MALRD1: variants seen among roughly 807,000 people sequenced by gnomAD.
MALRD1 encodes the protein MAM and LDL-receptor class A domain-containing protein 1.
A neutral mutation model predicts 242.1 loss-of-function variants in MALRD1; 247 were observed. The observed-to-expected ratio is 1.02, with a 90% CI of 0.92 to 1.13. The LOEUF (loss-of-function observed/expected upper bound fraction) is 1.13, where lower values mean the gene tolerates loss of function less well. Ranked by LOEUF, MALRD1 falls within the 50% of genes most tolerant of loss-of-function variation. The pLI is 0.00. For synonymous variants in MALRD1, 995 were observed against 866.6 expected (o/e 1.15, Z -2.60); for missense variants, 2,989 against 2,533.1 (o/e 1.18, Z -3.86).
At position 19,394,846 on chromosome 10, in the gene MALRD1, G is replaced by A. The variant is rs1157182826; in HGVS notation, c.4845+5237G>A. ...TCCTGTAATTGCTTATACTAGAGTA[G>A]TAATCAGACAGGTTTTCAAAGTTAG... On this transcript the variant is annotated intron_variant, in intron 28 of 39. Coordinates refer to ENST00000454679, the MANE Select transcript of MALRD1 (RefSeq NM_001142308.3). 2.0e-5 allele frequency among the ~76,000 whole-genome samples: 3 copies of A among 152,292 alleles called. No homozygotes were observed. In the East Asian group the frequency reaches 5.8e-4, roughly 29 times the overall value.
intron 18 of MALRD1, among the ~76,000 whole-genome samples, chr10:19,226,033 A>C (rs1007791969): frequency 1.3e-5 from 2 of 152,192 alleles, no homozygotes; most frequent in Non-Finnish European, 2.9e-5. Context: ...TCAATATCAG[A>C]AACAAATACA....
At chr10:19,549,288 A>G (rs1835379389) in intron 32 of MALRD1, among the ~76,000 whole-genome samples, 1 of 152,236 alleles carries the variant, frequency 6.6e-6, no homozygotes, top group Admixed American at 6.5e-5. Flanking sequence ...ATAAAGCCGC[A>G]GCAGGTTGGA....
Position 19,256,437 on chromosome 10 carries a change from C to T in MALRD1, c.2992-1247C>T, listed in dbSNP as rs1450888118. Among the ~76,000 whole-genome samples the T allele has an allele frequency of 2.6e-5, 4 of 152,034 alleles. No homozygotes were observed. The East Asian group carries it at 7.7e-4, about 29-fold the overall frequency. On this transcript the variant is annotated intron_variant, in intron 18 of 39. Coordinates refer to ENST00000454679, the MANE Select transcript of MALRD1 (RefSeq NM_001142308.3). ...CTTTATACATTTTTGTTTTCTCTGC[C>T]TATAATGCCTTTCACTCATGATGGT... is the stretch of plus-strand genomic sequence containing the variant.
At chr10:19,496,924 CAG>C (rs1247838086) in intron 30 of MALRD1, among the ~76,000 whole-genome samples, 1 of 151,940 alleles carries the variant, frequency 6.6e-6, no homozygotes, top group East Asian at 1.9e-4. Flanking sequence ...AGATCATAAA[CAG>C]AGATTAGCCT....
chr10:19,109,056 G>A (rs551471983), intron 5 of MALRD1, among the ~76,000 whole-genome samples: 13 of 152,238 alleles, frequency 8.5e-5, no homozygotes, highest in African/African-American at 3.1e-4. Context: ...GGTTAGGTAG[G>A]GTACACTGAC....
intron 1 of MALRD1, 64 bp from the exon 2 acceptor site, chr10:19,066,655 A>G (rs961358310): frequency 2.7e-5 from 31 of 1,151,256 alleles, no homozygotes; most frequent in Non-Finnish European, 3.4e-5. Context: ...TTTTTCTGCT[A>G]TTGTCTTATT....
At chr10:19,286,981 T>C (rs900763981) in intron 21 of MALRD1, among the ~76,000 whole-genome samples, 4 of 151,646 alleles carry the variant, frequency 2.6e-5, no homozygotes, top group Non-Finnish European at 2.9e-5. Context: ...CATGATCAAG[T>C]GGGCTTCATC....
At chr10:19,416,018 A>G (rs1833502490) in intron 28 of MALRD1, among the ~76,000 whole-genome samples, 2 of 152,218 alleles carry the variant, frequency 1.3e-5, no homozygotes, top group Admixed American at 6.5e-5. Flanking sequence ...GTGGCTATAA[A>G]CAAACTGCTT....
At chr10:19,486,330 G>C (rs1459476031) in intron 29 of MALRD1, among the ~76,000 whole-genome samples, 1 of 152,034 alleles carries the variant, frequency 6.6e-6, no homozygotes, top group Non-Finnish European at 1.5e-5. Flanking sequence ...GTCTTTGATA[G>C]TTAAAATTCT....
At chr10:19,692,241 C>G in intron 36 of MALRD1, 41 bp from the exon 37 acceptor site, 1 of 1,429,026 alleles carries the variant, frequency 7.0e-7, no homozygotes, top group Non-Finnish European at 9.5e-7. Flanking sequence ...TATCTTTTCA[C>G]TTTTCTTTTT....
chr10:19,667,942 A>T (rs181359259), intron 36 of MALRD1, among the ~76,000 whole-genome samples: 3 of 152,208 alleles, frequency 2.0e-5, no homozygotes, highest in East Asian at 3.9e-4. Flanking sequence ...TGTTGTGAGC[A>T]ATCTCTGGTT....
At chr10:19,501,278 G>A (rs1191717430) in intron 31 of MALRD1, among the ~76,000 whole-genome samples, 1 of 152,170 alleles carries the variant, frequency 6.6e-6, no homozygotes, top group Non-Finnish European at 1.5e-5. Context: ...CTGTGCATTT[G>A]TAAGATGTTT....
At chr10:19,541,693 G>A (rs757245048) in intron 32 of MALRD1, among the ~76,000 whole-genome samples, 4 of 152,106 alleles carry the variant, frequency 2.6e-5, no homozygotes, top group African/African-American at 4.8e-5. Context: ...CCTGCGACAA[G>A]GTACACTTAG....
chr10:19,457,615 C>A (rs74118953), intron 29 of MALRD1, among the ~76,000 whole-genome samples: 13,521 of 151,436 alleles, frequency 0.089, 648 homozygotes, highest in Middle Eastern at 0.11. Flanking sequence ...TCTAGAACGT[C>A]CCTTCTTATC....
rs142426247 is a variant in MALRD1, at chr10:19,227,769, A to G, written c.2991+18089A>G. On this transcript the variant is annotated intron_variant, in intron 18 of 39. Coordinates refer to ENST00000454679, the MANE Select transcript of MALRD1 (RefSeq NM_001142308.3). ...AAAACTAAATAACAAAACACAGATA[A>G]CTCATTTAATATAACATTTTGACCT... 6.5e-3 allele frequency among the ~76,000 whole-genome samples: 989 copies of G among 152,232 alleles called. 6 individuals are homozygous for G. The highest frequency in any genetic ancestry group is 0.01 in the Middle Eastern group (3 of 294).
rs1436151451 is a variant in MALRD1, at chr10:19,331,532, A to AT, written c.3855dup (p.Val1286CysfsTer3). ...TGCATTGCCAAAGACAAGCTGTGTG[A>AT]TTTTGTGAATGATTGTGCTGATAAT... On this transcript the variant is annotated frameshift_variant, in exon 24 of 40. Coordinates refer to ENST00000454679, the MANE Select transcript of MALRD1 (RefSeq NM_001142308.3). LOFTEE classifies it high-confidence loss of function. The AT allele has an allele frequency of 1.3e-6, 2 of 1,550,318 alleles. No homozygotes were observed. The highest frequency in any genetic ancestry group is 1.7e-6 in the Non-Finnish European group (2 of 1,146,798).
chr10:19,377,737 A>G (rs1845671513), intron 26 of MALRD1, among the ~76,000 whole-genome samples: 1 of 152,138 alleles, frequency 6.6e-6, no homozygotes, highest in African/African-American at 2.4e-5. Context: ...TATCAGGTGT[A>G]AAACGAGGTG....
intron 1 of MALRD1, among the ~76,000 whole-genome samples, chr10:19,059,192 A>C (rs546041464): frequency 4.4e-4 from 67 of 152,312 alleles, no homozygotes; most frequent in African/African-American, 1.6e-3. Flanking sequence ...AGAAATGAGA[A>C]AGTGCTCATG....
intron 36 of MALRD1, among the ~76,000 whole-genome samples, chr10:19,619,910 G>A (rs985491615): frequency 3.3e-5 from 5 of 152,028 alleles, no homozygotes; most frequent in Admixed American, 2.0e-4. Flanking sequence ...TCAGTACTTT[G>A]GGAGACTGAG....
Sources: allele counts gnomAD v4.1 joint callset (sites outside exome capture counted in the v4.1 genomes callset), GRCh38; gene constraint gnomAD v4.1.1; transcripts MANE v1.5; gene names NCBI Gene and HGNC (gene_info 2026-07-23, HGNC 2026-07-21).